Variants in SORCS2 observed in about 807,000 individuals in gnomAD.
SORCS2 encodes the protein sortilin related VPS10 domain containing receptor 2.
Under a neutral mutation model 141.6 loss-of-function variants are expected in SORCS2, and 100 were observed. The ratio of observed to expected loss-of-function variants is 0.71; its 90% CI spans 0.60 to 0.83. The LOEUF is 0.83. SORCS2 is among the 40% of genes least tolerant of loss of function. The pLI is 0.00. For synonymous variants in SORCS2, 789 were observed against 676.9 expected, an observed-to-expected ratio of 1.17 and a Z score of -2.57; for missense variants, 1,646 against 1,560.2, an observed-to-expected ratio of 1.05 and a Z score of -0.93.
intron 3 of SORCS2, among the ~76,000 whole-genome samples, chr4:7,552,258 T>G (rs1459945167): frequency 6.6e-6 from 1 of 152,154 alleles, no homozygotes; most frequent in African/African-American, 2.4e-5. Flanking sequence ...TGTGGTATCT[T>G]TGGGATCTCT....
At chr4:7,684,333 C>A (rs1016425515) in intron 10 of SORCS2, among the ~76,000 whole-genome samples, 1 of 152,222 alleles carries the variant, frequency 6.6e-6, no homozygotes, top group South Asian at 2.1e-4. Context: ...AATGCAGAGA[C>A]TGGCCTATGC....
At chr4:7,278,302 G>A (rs1266088608) in intron 1 of SORCS2, among the ~76,000 whole-genome samples, 1 of 152,174 alleles carries the variant, frequency 6.6e-6, no homozygotes, top group African/African-American at 2.4e-5. Context: ...CAGCACTGAT[G>A]TCTGCCTGGT....
chr4:7,514,521 T>TC (rs1246241469), intron 2 of SORCS2, among the ~76,000 whole-genome samples: 1 of 151,252 alleles, frequency 6.6e-6, no homozygotes, highest in Non-Finnish European at 1.5e-5. Flanking sequence ...CCTGGTAGAG[T>TC]CATGGCAGGG....
intron 1 of SORCS2, among the ~76,000 whole-genome samples, chr4:7,335,550 G>T (rs529855398): frequency 6.6e-6 from 1 of 152,290 alleles, no homozygotes; most frequent in South Asian, 2.1e-4. Context: ...CATCTGTCGG[G>T]GCACCCGAGG....
At chr4:7,700,275 C>T (rs545594903) in intron 12 of SORCS2, among the ~76,000 whole-genome samples, 6 of 152,360 alleles carry the variant, frequency 3.9e-5, no homozygotes, top group South Asian at 2.1e-4. Context: ...TGGCTGAGCC[C>T]CTCGTCCTGT....
At chr4:7,404,612 G>T (rs1176605605) in intron 2 of SORCS2, among the ~76,000 whole-genome samples, 1 of 152,116 alleles carries the variant, frequency 6.6e-6, no homozygotes, top group Non-Finnish European at 1.5e-5. Flanking sequence ...GTGATGTTGA[G>T]CATTTTTTCA....
At chr4:7,492,185 T>G (rs1731357419) in intron 2 of SORCS2, among the ~76,000 whole-genome samples, 1 of 152,184 alleles carries the variant, frequency 6.6e-6, no homozygotes, top group South Asian at 2.1e-4. Flanking sequence ...GCTGCCCACC[T>G]CCCGCCACCT....
intron 17 of SORCS2, among the ~76,000 whole-genome samples, chr4:7,716,518 A>G (rs1726199773): frequency 6.6e-6 from 1 of 150,660 alleles, no homozygotes; most frequent in African/African-American, 2.4e-5. Context: ...CCATTCATCT[A>G]TCCATCCACC....
intron 23 of SORCS2, among the ~76,000 whole-genome samples, chr4:7,731,328 G>A (rs952980104): frequency 2.0e-5 from 3 of 152,094 alleles, no homozygotes; most frequent in African/African-American, 4.8e-5. Flanking sequence ...GACACAAATC[G>A]ACGGAAAGAT....
At chr4:7,281,138 C>T (rs532800771) in intron 1 of SORCS2, among the ~76,000 whole-genome samples, 10 of 152,262 alleles carry the variant, frequency 6.6e-5, no homozygotes, top group Non-Finnish European at 1.3e-4. Flanking sequence ...AGAAAACACC[C>T]GGAGGCCTTC....
chr4:7,298,108 A>C (rs11933152), intron 1 of SORCS2, among the ~76,000 whole-genome samples: 123,527 of 152,210 alleles, frequency 0.81, 51,399 homozygotes, highest in Non-Finnish European at 0.9. Context: ...CAGGGGTGGG[A>C]CAAGGAGGCG....
At chr4:7,203,723 A>G (rs1036681654) in intron 1 of SORCS2, among the ~76,000 whole-genome samples, 42 of 152,182 alleles carry the variant, frequency 2.8e-4, no homozygotes, top group African/African-American at 7.2e-4. Context: ...GGGGCATTCA[A>G]TGCATTCACA....
At chr4:7,453,810 C>T (rs1665993017) in intron 2 of SORCS2, among the ~76,000 whole-genome samples, 1 of 112,032 alleles carries the variant, frequency 8.9e-6, no homozygotes, top group African/African-American at 3.7e-5. Flanking sequence ...GTGTTAGGGT[C>T]AGGTGCTGTG....
chr4:7,295,742 A>T (rs151078050), intron 1 of SORCS2, among the ~76,000 whole-genome samples: 168 of 152,270 alleles, frequency 1.1e-3, no homozygotes, highest in African/African-American at 3.8e-3. Flanking sequence ...CCAGCATTGG[A>T]TATGGCACCC....
At chr4:7,697,076 G>C (rs1028582319) in intron 11 of SORCS2, 122 bp from the exon 12 acceptor site, 22 of 756,792 alleles carry the variant, frequency 2.9e-5, no homozygotes, top group Non-Finnish European at 4.9e-5. Flanking sequence ...GCAGGTCTGT[G>C]GGGGATATGG....
chr4:7,377,349 G>C (rs1722725432), intron 1 of SORCS2, among the ~76,000 whole-genome samples: 2 of 76,256 alleles, frequency 2.6e-5, no homozygotes, highest in South Asian at 8.1e-4. Context: ...CAGAACTGGG[G>C]CTGTGACGGG....
At chr4:7,505,763 C>T (rs887107248) in intron 2 of SORCS2, among the ~76,000 whole-genome samples, 1 of 152,148 alleles carries the variant, frequency 6.6e-6, no homozygotes, top group African/African-American at 2.4e-5. Flanking sequence ...CCTTCCTCTT[C>T]CTGACTCTGT....
intron 7 of SORCS2, among the ~76,000 whole-genome samples, chr4:7,666,423 C>T (rs1050815365): frequency 1.3e-5 from 2 of 152,176 alleles, no homozygotes; most frequent in African/African-American, 4.8e-5. Context: ...CTCTCCCTAC[C>T]CCAGCCCAGG....
chr4:7,344,338 G>A (rs1720531279), intron 1 of SORCS2, among the ~76,000 whole-genome samples: 1 of 152,216 alleles, frequency 6.6e-6, no homozygotes, highest in African/African-American at 2.4e-5. Context: ...GCCGGGGCTA[G>A]TTTATCCCAT....
Sources: allele counts gnomAD v4.1 joint callset (sites outside exome capture counted in the v4.1 genomes callset), GRCh38; gene constraint gnomAD v4.1.1; transcripts MANE v1.5; gene names NCBI Gene and HGNC (gene_info 2026-07-23, HGNC 2026-07-21).